SLC39A10: variants seen among roughly 807,000 people sequenced by gnomAD.
SLC39A10 encodes zinc transporter ZIP10.
A neutral mutation model predicts 65.1 loss-of-function variants in SLC39A10; 13 were observed. The observed-to-expected ratio is 0.20, with a 90% CI of 0.13 to 0.32. The LOEUF is 0.32. Among genes scored for constraint, SLC39A10 ranks in the 10% least tolerant of loss-of-function variants. The pLI is 1.00. For synonymous variants in SLC39A10, 321 were observed against 342.2 expected, an observed-to-expected ratio of 0.94 and a Z score of 0.68; for missense variants, 831 against 1,018.4, an observed-to-expected ratio of 0.82 and a Z score of 2.50.
chr2:195,728,483 A>C lies in SLC39A10; in HGVS notation c.2337+134A>C. On this transcript the variant is annotated intron_variant, in intron 9 of 9. Transcript: ENST00000359634. This position sits in a 1 kb window ranked among gnomAD's most constrained non-coding sequence, Gnocchi z 4.4. ...TAATATCCTAAATAATCTCTTAAGGAAGGACATTTAAGTAGGAGGTTTCCT... is the reference window on the plus strand; with the variant it reads ...TAATATCCTAAATAATCTCTTAAGGCAGGACATTTAAGTAGGAGGTTTCCT... The C allele has an allele frequency of 2.5e-6, 2 of 803,008 alleles. No homozygotes were observed. Among genetic ancestry groups the C allele is most frequent in the Non-Finnish European group, 3.7e-6 (2 of 536,908 alleles). 49.7% of individuals were successfully genotyped at this position (803,008 alleles called of 1,614,324 possible). A position where few individuals can be genotyped will look rare whatever the true frequency, so the allele number is the denominator to read the frequency against.
chr2:195,680,475 G>A lies in SLC39A10; in HGVS notation c.433G>A (p.Val145Ile). The A allele has an allele frequency of 6.2e-7, 1 of 1,614,068 alleles. No homozygotes were observed. The highest frequency in any genetic ancestry group is 8.5e-7 in the Non-Finnish European group (1 of 1,180,006). Reference protein sequence around the residue: ...LNSENQTVTSVSTKRNHKCDP... With the variant: ...LNSENQTVTSISTKRNHKCDP... ...TTCAGAAAATCAAACTGTGACCAGT[G>A]TATCCACAAAAAGAAACCATAAATG... The change falls in exon 2 of 10, where the codon GTA becomes ATA. Residue 145 changes from valine (V) to isoleucine (I), a missense_variant. By Grantham distance (29) the Val-to-Ile change is conservative. Coordinates refer to ENST00000359634, the MANE Select transcript of SLC39A10 (RefSeq NM_020342.3).
chr2:195,670,456 G>A (rs13428641), intron 1 of SLC39A10: 1 of 152,042 alleles, frequency 6.6e-6, no homozygotes, highest in Non-Finnish European at 1.5e-5. Flanking sequence ...CAATCTTGGT[G>A]TATGTGCTGC....
chr2:195,640,631 T>A (rs1394839214), intron 2 of SLC39A10, among the ~76,000 whole-genome samples: 1 of 152,218 alleles, frequency 6.6e-6, no homozygotes, highest in Non-Finnish European at 1.5e-5. Context: ...AGGTCTCATT[T>A]AAATTCCTGC....
At chr2:195,696,213 A>C (rs574611619) in intron 3 of SLC39A10, among the ~76,000 whole-genome samples, 7 of 152,046 alleles carry the variant, frequency 4.6e-5, no homozygotes, top group Non-Finnish European at 1.0e-4. Flanking sequence ...AAAATCAGGA[A>C]GTGTGAGTCC....
At chr2:195,694,009 C>T (rs571532418) in intron 3 of SLC39A10, among the ~76,000 whole-genome samples, 7 of 152,258 alleles carry the variant, frequency 4.6e-5, no homozygotes, top group Admixed American at 1.3e-4. Flanking sequence ...TCACTATTAT[C>T]GCTCAGTTCA....
At chr2:195,657,202 G>C (rs1230505068), upstream of SLC39A10, 1 of 183,504 alleles carries the variant, frequency 5.4e-6, no homozygotes, top group Non-Finnish European at 1.0e-5. Flanking sequence ...AGCGCAGTCT[G>C]CTTTGGTGAA....
At chr2:195,631,525 CT>C (rs1419454683) in intron 2 of SLC39A10, among the ~76,000 whole-genome samples, 7 of 151,970 alleles carry the variant, frequency 4.6e-5, no homozygotes, top group African/African-American at 9.7e-5. Flanking sequence ...AAAAAATATC[CT>C]TAAAAGCAAT....
intron 1 of SLC39A10, among the ~76,000 whole-genome samples, chr2:195,673,024 C>T (rs1283124544): frequency 6.6e-6 from 1 of 152,106 alleles, no homozygotes; most frequent in Admixed American, 6.5e-5. Context: ...GTGACTTTAT[C>T]CATGAGACTG....
At chr2:195,663,778 CTA>C (rs1331558722) in intron 1 of SLC39A10, among the ~76,000 whole-genome samples, 1 of 144,974 alleles carries the variant, frequency 6.9e-6, no homozygotes, top group African/African-American at 2.5e-5. Context: ...TTAGGATAGT[CTA>C]TAGTTTTTTT....
In SLC39A10 at chr2:195,683,755, C is replaced by G. The variant is rs1690422356; in HGVS notation, c.1065C>G (p.Ile355Met). 1 of 1,613,404 alleles carries G rather than the reference C, an allele frequency of 6.2e-7. No homozygotes were observed. The highest frequency in any genetic ancestry group is 1.7e-5 in the Admixed American group (1 of 60,018). The change falls in exon 3 of 10, where the codon ATC (isoleucine) becomes ATG (methionine). Residue 355 changes from isoleucine (I) to methionine (M), a missense_variant. By Grantham distance (10) the Ile-to-Met change is conservative. Around this residue, in one of 4 missense-constraint regions of SLC39A10, gnomAD observed 446 missense variants for 499.2 expected, o/e 0.89. Coordinates refer to ENST00000359634, the MANE Select transcript of SLC39A10 (RefSeq NM_020342.3). The stretch of plus-strand genomic sequence containing the variant: ...ATGGTCATGGTGCCAACTCTCCCAT[C>G]TCAACTGATTTATTTACATACCTTT... ...KYYGHGANSP[I>M]STDLFTYLCP...
At chr2:195,705,323 A>C (rs1691360422) in intron 3 of SLC39A10, among the ~76,000 whole-genome samples, 1 of 152,178 alleles carries the variant, frequency 6.6e-6, no homozygotes, top group Non-Finnish European at 1.5e-5. Flanking sequence ...TGTGATAGGA[A>C]TTCTCTTTTA....
upstream of SLC39A10, among the ~76,000 whole-genome samples, chr2:195,656,511 A>C (rs920695629): frequency 6.6e-6 from 1 of 151,968 alleles, no homozygotes; most frequent in African/African-American, 2.4e-5. Context: ...AAGCCTCGAG[A>C]ATTTCTCTAC....
At position 195,674,622 on chromosome 2, in the gene SLC39A10, C is replaced by G. The variant is rs1690009697; in HGVS notation, c.-11-5410C>G. ...CTTTTTTCTTGAGGCCTCTTATTCC[C>G]CCATGTTCTGTGAGTATTGCCTCTC... On this transcript the variant is annotated intron_variant, in intron 1 of 9. Coordinates refer to ENST00000359634, the MANE Select transcript of SLC39A10 (RefSeq NM_020342.3). 5 of 985,258 alleles carry G rather than the reference C, an allele frequency of 5.1e-6. No homozygotes were observed. In the African/African-American group the frequency reaches 7.0e-5, roughly 14 times the overall value. The allele number at this position is 985,258 out of a possible 1,614,324, so 61.0% of individuals were successfully genotyped here.
chr2:195,716,648 T>C lies in SLC39A10; in HGVS notation c.1708T>C (p.Ser570Pro). The change falls in exon 7 of 10, where the codon TCG becomes CCG. Residue 570 changes from serine to proline, a missense_variant. Ser to Pro is a moderately conservative substitution (Grantham distance 74). This residue lies in a region of SLC39A10 where 230 missense variants were observed against 242.9 expected (regional missense o/e 0.95). Transcript: ENST00000359634. The stretch of plus-strand genomic sequence containing the variant: ...TGCTATAAATACAGGAACTGATGAC[T>C]CGGTTGTTTCTGAAGATCGACTTAA... ...QLKPLAGTDDSVVSEDRLNET... is the reference protein window; with the variant it reads ...QLKPLAGTDDPVVSEDRLNET... The C allele has an allele frequency of 6.2e-7, 1 of 1,603,308 alleles. No individual in the cohort carries two copies. The highest frequency in any genetic ancestry group is 8.5e-7 in the Non-Finnish European group (1 of 1,175,394).
chr2:195,722,728 A>G (rs1202198205), intron 8 of SLC39A10, among the ~76,000 whole-genome samples: 1 of 152,236 alleles, frequency 6.6e-6, no homozygotes, highest in Non-Finnish European at 1.5e-5. Flanking sequence ...GTAGTATAGT[A>G]TGTCACATTT....
At chr2:195,704,514 A>G (rs780108034) in intron 3 of SLC39A10, among the ~76,000 whole-genome samples, 8 of 152,092 alleles carry the variant, frequency 5.3e-5, no homozygotes, top group Non-Finnish European at 8.8e-5. Context: ...CTGGCCAATA[A>G]CTTTATTGGC....
chr2:195,680,264 T>A lies in SLC39A10; in HGVS notation c.222T>A (p.Asn74Lys). 1 of 1,613,868 alleles carries A rather than the reference T, an allele frequency of 6.2e-7. No homozygotes were observed. The highest frequency in any genetic ancestry group is 8.5e-7 in the Non-Finnish European group (1 of 1,179,990). ...AACTTTTTGAGCGTTATGGTGAAAA[T>A]GGAAGATTATCCTTTTTTGGTTTGG... ...IEKLFERYGE[N>K]GRLSFFGLEK... The change falls in exon 2 of 10, where the codon AAT (asparagine) becomes AAA (lysine). Residue 74 changes from asparagine (N) to lysine (K), a missense_variant. Coordinates refer to ENST00000359634, the MANE Select transcript of SLC39A10 (RefSeq NM_020342.3).
intron 1 of SLC39A10, among the ~76,000 whole-genome samples, chr2:195,661,464 T>A (rs1399694171): frequency 6.6e-6 from 1 of 152,222 alleles, no homozygotes; most frequent in Non-Finnish European, 1.5e-5. Context: ...GGTCACAAAC[T>A]CTTGGGCTCA....
At chr2:195,689,284 T>C (rs574788028) in intron 3 of SLC39A10, among the ~76,000 whole-genome samples, 221 of 152,198 alleles carry the variant, frequency 1.5e-3, no homozygotes, top group Non-Finnish European at 2.5e-3. Flanking sequence ...TAGCTGGGCA[T>C]GGTGGTGCAT....
Sources: allele counts gnomAD v4.1 joint callset (sites outside exome capture counted in the v4.1 genomes callset), GRCh38; gene constraint gnomAD v4.1.1; regional missense constraint gnomAD v4.1.1; non-coding constraint Gnocchi (gnomAD v3.1); transcripts MANE v1.5; gene names NCBI Gene and HGNC (gene_info 2026-07-23, HGNC 2026-07-21).